Variants in NIBAN1 observed in about 807,000 individuals in gnomAD.
NIBAN1 encodes niban apoptosis regulator 1.
In NIBAN1, 81 loss-of-function variants were observed where a neutral mutation model predicts 75.1. That is an observed-to-expected ratio of 1.08 (90% CI 0.90 to 1.30). The LOEUF is 1.30. Ranked by LOEUF, NIBAN1 falls within the 50% of genes most tolerant of loss-of-function variation. The pLI, the probability that NIBAN1 is intolerant of heterozygous loss-of-function variation, is 0.00. For missense variants in NIBAN1, 1,133 were observed against 1,128.1 expected, an observed-to-expected ratio of 1.00 and a Z score of -0.06; for synonymous variants, 436 against 424.8, an observed-to-expected ratio of 1.03 and a Z score of -0.32.
intron 5 of NIBAN1, among the ~76,000 whole-genome samples, chr1:184,871,283 G>A (rs901335187): frequency 6.7e-6 from 1 of 148,850 alleles, no homozygotes; most frequent in Non-Finnish European, 1.5e-5. Context: ...GGAGGTGGAG[G>A]GTGCAATGAG....
chr1:184,961,247 T>A (rs1658635377), intron 1 of NIBAN1, among the ~76,000 whole-genome samples: 2 of 151,564 alleles, frequency 1.3e-5, no homozygotes, highest in South Asian at 4.2e-4. Context: ...TTTTTTGTAT[T>A]TTTAGTAGAG....
chr1:184,913,154 TTA>T (rs1553227230), intron 1 of NIBAN1, among the ~76,000 whole-genome samples: 2 of 146,648 alleles, frequency 1.4e-5, no homozygotes, highest in South Asian at 4.3e-4. Flanking sequence ...TATATATATA[TTA>T]TATATATATG....
intron 1 of NIBAN1, among the ~76,000 whole-genome samples, chr1:184,946,268 C>T (rs1444506199): frequency 6.6e-6 from 1 of 152,160 alleles, no homozygotes; most frequent in Non-Finnish European, 1.5e-5. Flanking sequence ...TAGTGATTTT[C>T]AGACTTAAAA....
At chr1:184,929,934 C>G (rs1334533305) in intron 1 of NIBAN1, among the ~76,000 whole-genome samples, 1 of 152,200 alleles carries the variant, frequency 6.6e-6, no homozygotes, top group Non-Finnish European at 1.5e-5. Context: ...AGAACAGAGA[C>G]AGCCCTCTTA....
At chr1:184,949,297 G>T (rs1317832087) in intron 1 of NIBAN1, among the ~76,000 whole-genome samples, 1 of 152,204 alleles carries the variant, frequency 6.6e-6, no homozygotes, top group African/African-American at 2.4e-5. Flanking sequence ...GGCAGACCTT[G>T]CAGTAAGCCG....
At chr1:184,865,417 T>C (rs1655928771) in intron 5 of NIBAN1, among the ~76,000 whole-genome samples, 1 of 151,988 alleles carries the variant, frequency 6.6e-6, no homozygotes, top group African/African-American at 2.4e-5. Context: ...TGAGTACCAA[T>C]GGACATATAG....
rs147753098 is a variant in NIBAN1 at position 184,823,647 on chromosome 1, C to T, written c.813G>A (p.Thr271=). ...MKGKKNDRKR[T]WLGLLEEAYT... Reference sequence around the variant, plus strand: ...CAAAACCATTGCTTACACCAAGCCACGTCCTCTTTCTGTCATTCTTCTTCC... The same window carrying T: ...CAAAACCATTGCTTACACCAAGCCATGTCCTCTTTCTGTCATTCTTCTTCC... The change falls in exon 7 of 14, where the codon ACG becomes ACA. Residue 271 remains threonine, a synonymous_variant. Coordinates refer to ENST00000367511, the MANE Select transcript of NIBAN1 (RefSeq NM_052966.4). 120 of 1,614,116 alleles carry T rather than the reference C, an allele frequency of 7.4e-5. 2 individuals carry two copies. The highest frequency in any genetic ancestry group is 6.4e-4 in the South Asian group (58 of 91,090).
intron 1 of NIBAN1, among the ~76,000 whole-genome samples, chr1:184,925,690 AAAC>A (rs1657664171): frequency 6.6e-6 from 1 of 151,924 alleles, no homozygotes; most frequent in Admixed American, 6.6e-5. Context: ...AGCAAAGAGA[AAAC>A]AAAAAAAAAC....
At chr1:184,909,302 T>C (rs1483316493) in intron 1 of NIBAN1, among the ~76,000 whole-genome samples, 8 of 152,206 alleles carry the variant, frequency 5.3e-5, no homozygotes, top group Non-Finnish European at 8.8e-5. Flanking sequence ...TATTTTCCTA[T>C]GTTTTTTTCT....
At position 184,795,470 on chromosome 1, in the gene NIBAN1, T is replaced by C; in HGVS notation, c.2294A>G (p.Glu765Gly). The C allele has an allele frequency of 6.2e-7, 1 of 1,611,096 alleles. No individual in the cohort carries two copies. The highest frequency in any genetic ancestry group is 8.5e-7 in the Non-Finnish European group (1 of 1,178,746). ...GGCCTCCCTCTCGCTGACTTCACTT[T>C]CTTCACAGTTGTCGGGGTGGATGGC... ...AAAIHPDNCE[E>G]SEVSEREAQP... The change falls in exon 14 of 14, where the codon GAA becomes GGA. Residue 765 changes from glutamate to glycine, a missense_variant. Transcript: ENST00000367511.
intron 5 of NIBAN1, among the ~76,000 whole-genome samples, chr1:184,839,564 T>TGC (rs1051576548): frequency 2.7e-5 from 4 of 150,662 alleles, no homozygotes; most frequent in African/African-American, 9.9e-5. Flanking sequence ...TGTGTGTGTG[T>TGC]GCACGCGCGC....
chr1:184,829,713 G>A lies in NIBAN1; in HGVS notation c.717+2134C>T, dbSNP rs558899098. Reference sequence around the variant, plus strand: ...GAACTCCTGGTCTTGTGATCTGCCCGCCTTGGCCTCCCAAAGTGCTAAGAT... The same window carrying A: ...GAACTCCTGGTCTTGTGATCTGCCCACCTTGGCCTCCCAAAGTGCTAAGAT... On this transcript the variant is annotated intron_variant, in intron 6 of 13. Transcript: ENST00000367511. Among the ~76,000 whole-genome samples the A allele has an allele frequency of 8.4e-4, 128 of 151,824 alleles. 1 individual carries two copies. Among genetic ancestry groups the A allele is most frequent in the Middle Eastern group, 3.4e-3 (1 of 294 alleles).
chr1:184,960,804 A>G (rs1472733939), intron 1 of NIBAN1, among the ~76,000 whole-genome samples: 1 of 151,938 alleles, frequency 6.6e-6, no homozygotes, highest in Non-Finnish European at 1.5e-5. Context: ...CTAATTTTGT[A>G]TTTTTAGTAG....
chr1:184,867,895 T>A, intron 5 of NIBAN1: 1 of 985,420 alleles, frequency 1.0e-6, no homozygotes, highest in Non-Finnish European at 1.2e-6. Context: ...CCAGCTTTTG[T>A]CTACCCCGTC....
rs568705074 is a variant in NIBAN1 at position 184,891,777 on chromosome 1, T to G, written c.319-1555A>C. ...GACTCTAAATAAAATAATAGATGACTTACAGGTACTTAATGCATAATTCTT... is the reference window on the plus strand; with the variant it reads ...GACTCTAAATAAAATAATAGATGACGTACAGGTACTTAATGCATAATTCTT... On this transcript the variant is annotated intron_variant, in intron 3 of 13. Coordinates refer to ENST00000367511, the MANE Select transcript of NIBAN1 (RefSeq NM_052966.4). 4.6e-5 allele frequency among the ~76,000 whole-genome samples: 7 copies of G among 152,284 alleles called. No homozygotes were observed. The East Asian group carries it at 1.3e-3, about 29-fold the overall frequency.
At chr1:184,876,037 G>A (rs1656222610) in intron 5 of NIBAN1, among the ~76,000 whole-genome samples, 1 of 152,118 alleles carries the variant, frequency 6.6e-6, no homozygotes, top group African/African-American at 2.4e-5. Flanking sequence ...GCCGGGCATG[G>A]TGGCGCATGC....
Position 184,795,488 on chromosome 1 carries a change from T to C in NIBAN1, c.2276A>G (p.His759Arg). The change falls in exon 14 of 14, where the codon CAC becomes CGC. Residue 759 changes from histidine to arginine, a missense_variant. By Grantham distance (29) the His-to-Arg change is conservative (BLOSUM62 0). Transcript: ENST00000367511. ...TTCACTTTCTTCACAGTTGTCGGGG[T>C]GGATGGCAGCTGCCTGACTGGGCTC... is the stretch of plus-strand genomic sequence containing the variant. ...EKEPSQAAAIHPDNCEESEVS... is the reference protein window; with the variant it reads ...EKEPSQAAAIRPDNCEESEVS... 3 of 1,612,938 alleles carry C rather than the reference T, an allele frequency of 1.9e-6. No individual in the cohort carries two copies. Among genetic ancestry groups the C allele is most frequent in the South Asian group, 2.2e-5 (2 of 90,982 alleles).
chr1:184,803,057 C>T (rs941854602), intron 12 of NIBAN1, among the ~76,000 whole-genome samples: 1 of 152,216 alleles, frequency 6.6e-6, no homozygotes, highest in Non-Finnish European at 1.5e-5. Flanking sequence ...TCACTGGATG[C>T]TCAATGTTTG....
intron 1 of NIBAN1, among the ~76,000 whole-genome samples, chr1:184,948,200 T>C (rs550865879): frequency 6.6e-6 from 1 of 152,344 alleles, no homozygotes; most frequent in South Asian, 2.1e-4. Context: ...TTCTTAGATA[T>C]ATATGGTACT....
Sources: allele counts gnomAD v4.1 joint callset (sites outside exome capture counted in the v4.1 genomes callset), GRCh38; gene constraint gnomAD v4.1.1; transcripts MANE v1.5; gene names NCBI Gene and HGNC (gene_info 2026-07-23, HGNC 2026-07-21).